The following FGGY variants were observed in gnomAD, a reference collection of about 807,000 sequenced individuals.
FGGY encodes the protein FGGY carbohydrate kinase domain containing.
FGGY carries 72 observed loss-of-function variants against 71.3 expected under a neutral mutation model. The observed-to-expected ratio is 1.01, with a 90% CI of 0.84 to 1.23. The LOEUF (loss-of-function observed/expected upper bound fraction) is 1.23, where lower values mean the gene tolerates loss of function less well. Among genes scored for constraint, FGGY ranks in the 50% most tolerant of loss-of-function variants. FGGY has a pLI of 0.00. For synonymous variants in FGGY, 251 were observed against 250.3 expected (o/e 1.00, Z -0.02); for missense variants, 668 against 682.3 (o/e 0.98, Z 0.23).
At chr1:59,590,744 T>C (rs1321081871) in intron 8 of FGGY, among the ~76,000 whole-genome samples, 2 of 152,110 alleles carry the variant, frequency 1.3e-5, no homozygotes, top group Non-Finnish European at 2.9e-5. Context: ...AACAACGCCT[T>C]ATGCTAAAAA....
chr1:59,619,205 C>A (rs887923127), intron 9 of FGGY, among the ~76,000 whole-genome samples: 2 of 151,988 alleles, frequency 1.3e-5, no homozygotes, highest in African/African-American at 4.8e-5. Flanking sequence ...GGAGTGCTTA[C>A]TATATTTGAG....
intron 6 of FGGY, among the ~76,000 whole-genome samples, chr1:59,478,084 C>T (rs2093337370): frequency 6.6e-6 from 1 of 152,230 alleles, no homozygotes; most frequent in South Asian, 2.1e-4. Context: ...GAAGGCCACT[C>T]AGTTCAACCA....
intron 6 of FGGY, among the ~76,000 whole-genome samples, chr1:59,481,831 A>G (rs574957104): frequency 6.6e-6 from 1 of 152,304 alleles, no homozygotes; most frequent in East Asian, 1.9e-4. Context: ...ACACTGCCCC[A>G]CTTTATCTTA....
chr1:59,662,867 A>G (rs1378544375), intron 12 of FGGY, among the ~76,000 whole-genome samples: 1 of 152,242 alleles, frequency 6.6e-6, no homozygotes, highest in Admixed American at 6.5e-5. Flanking sequence ...ATGTATTCCC[A>G]TGGTTAAAGG....
chr1:59,679,951 A>G (rs1490824505), intron 14 of FGGY, among the ~76,000 whole-genome samples: 1 of 152,180 alleles, frequency 6.6e-6, no homozygotes, highest in Non-Finnish European at 1.5e-5. Flanking sequence ...AATTATCTCT[A>G]TAAAATAAAA....
intron 7 of FGGY, among the ~76,000 whole-genome samples, chr1:59,527,313 C>T (rs1476568188): frequency 6.6e-6 from 1 of 152,198 alleles, no homozygotes. Context: ...TAGTGCCTAG[C>T]ACTTTATCTT....
chr1:59,495,028 T>G (rs1309325255), intron 6 of FGGY, among the ~76,000 whole-genome samples: 1 of 152,212 alleles, frequency 6.6e-6, no homozygotes, highest in Non-Finnish European at 1.5e-5. Flanking sequence ...TCTTCTGACT[T>G]TTTAATGATA....
At chr1:59,730,724 C>G (rs192936810) in intron 14 of FGGY, among the ~76,000 whole-genome samples, 1 of 152,244 alleles carries the variant, frequency 6.6e-6, no homozygotes, top group Non-Finnish European at 1.5e-5. Context: ...GGACACATAC[C>G]TCATCTAGCC....
intron 4 of FGGY, among the ~76,000 whole-genome samples, chr1:59,371,041 A>C (rs1016141164): frequency 6.6e-6 from 1 of 152,040 alleles, no homozygotes; most frequent in African/African-American, 2.4e-5. Flanking sequence ...GACAGGATCA[A>C]ATTCACACAT....
At chr1:59,311,151 C>T (rs1308255182) in intron 1 of FGGY, among the ~76,000 whole-genome samples, 2 of 152,094 alleles carry the variant, frequency 1.3e-5, no homozygotes, top group Non-Finnish European at 2.9e-5. Flanking sequence ...CTCTGTGTGC[C>T]CAGGACACAG....
intron 4 of FGGY, among the ~76,000 whole-genome samples, chr1:59,375,416 T>C (rs1240529031): frequency 6.6e-6 from 1 of 152,224 alleles, no homozygotes; most frequent in Non-Finnish European, 1.5e-5. Flanking sequence ...CTCCAGACTT[T>C]TCTTTTGTAG....
chr1:59,709,466 T>TCTCA (rs1553420355), intron 14 of FGGY, among the ~76,000 whole-genome samples: 1 of 142,664 alleles, frequency 7.0e-6, no homozygotes, highest in African/African-American at 2.6e-5. Context: ...TGAAACTATA[T>TCTCA]CACACACACA....
rs1026568151 is a variant in FGGY at position 59,512,450 on chromosome 1, A to G, written c.799+11A>G. On this transcript the variant is annotated intron_variant, in intron 7 of 15. Transcript: ENST00000303721. ...ATGCAGGAGGACTAGGTAATCTCTT[A>G]TTTGTTGCCTACAGCCAAAACCGTA... 2 of 1,611,346 alleles carry G rather than the reference A, an allele frequency of 1.2e-6. No homozygotes were observed. Among genetic ancestry groups the G allele is most frequent in the Non-Finnish European group, 1.7e-6 (2 of 1,178,636 alleles).
intron 9 of FGGY, among the ~76,000 whole-genome samples, chr1:59,621,955 C>T (rs2096812813): frequency 1.3e-5 from 2 of 151,772 alleles, no homozygotes; most frequent in African/African-American, 4.8e-5. Flanking sequence ...TATTGTCTCC[C>T]ATGCCCCTGA....
intron 5 of FGGY, among the ~76,000 whole-genome samples, chr1:59,450,663 T>C (rs1010537277): frequency 9.1e-4 from 139 of 152,266 alleles, no homozygotes; most frequent in African/African-American, 3.2e-3. Flanking sequence ...AATAGAATTG[T>C]CTTTTTTCAA....
chr1:59,526,757 C>T (rs1207784753), intron 7 of FGGY, among the ~76,000 whole-genome samples: 3 of 152,150 alleles, frequency 2.0e-5, no homozygotes, highest in Admixed American at 1.3e-4. Flanking sequence ...AGAGGGGCAG[C>T]GAGAGGCAGC....
At chr1:59,534,987 A>C (rs2095272001) in intron 7 of FGGY, among the ~76,000 whole-genome samples, 1 of 151,598 alleles carries the variant, frequency 6.6e-6, no homozygotes, top group South Asian at 2.1e-4. Flanking sequence ...AACAATATTA[A>C]CTTTAAATGT....
rs60192053 is a variant in FGGY, at chr1:59,692,634, CAA to C, written c.1512+18516_1512+18517del. ...TGGTCCACTATGTTAGATGAGAGGA[CAA>C]AAAAAAAAAAAAAAGTTGGGGGAGA... On this transcript the variant is annotated intron_variant, in intron 14 of 15. Coordinates refer to ENST00000303721, the MANE Select transcript of FGGY (RefSeq NM_018291.5). 2.9e-3 allele frequency among the ~76,000 whole-genome samples: 267 copies of C among 90,938 alleles called. 7 individuals are homozygous for C. In the South Asian group the frequency reaches 0.073, roughly 25 times the overall value. The allele number at this position is 90,938 out of a possible 152,430, so 59.7% of individuals were successfully genotyped here. A position where few individuals can be genotyped will look rare whatever the true frequency, so the allele number is the denominator to read the frequency against.
chr1:59,595,578 T>C (rs562685865), intron 8 of FGGY, among the ~76,000 whole-genome samples: 6 of 152,072 alleles, frequency 3.9e-5, no homozygotes, highest in Non-Finnish European at 8.8e-5. Flanking sequence ...CAGTCCCAGC[T>C]ACTCGAGAGA....
Sources: allele counts gnomAD v4.1 joint callset (sites outside exome capture counted in the v4.1 genomes callset), GRCh38; gene constraint gnomAD v4.1.1; transcripts MANE v1.5; gene names NCBI Gene and HGNC (gene_info 2026-07-23, HGNC 2026-07-21).